ANKHD1: variants seen among roughly 807,000 people sequenced by gnomAD.
The protein encoded by ANKHD1 is ankyrin repeat and KH domain containing 1, also known as ankyrin repeat and KH domain-containing protein 1.
In ANKHD1, 31 loss-of-function variants were observed where a neutral mutation model predicts 230.5. That is an observed-to-expected ratio of 0.13 (90% CI 0.10 to 0.18). The LOEUF (loss-of-function observed/expected upper bound fraction) is 0.18, where lower values mean the gene tolerates loss of function less well. ANKHD1 is among the 10% of genes least tolerant of loss of function. The pLI, the probability that ANKHD1 is intolerant of heterozygous loss-of-function variation, is 1.00. For synonymous variants in ANKHD1, 1,074 were observed against 1,117.6 expected, an observed-to-expected ratio of 0.96 and a Z score of 0.78; for missense variants, 2,256 against 3,071.3, an observed-to-expected ratio of 0.73 and a Z score of 6.27.
chr5:140,454,276 C>G (rs1202743777), intron 7 of ANKHD1, among the ~76,000 whole-genome samples: 1 of 151,994 alleles, frequency 6.6e-6, no homozygotes, highest in South Asian at 2.1e-4. Flanking sequence ...ACTTTAACAC[C>G]CCACTGTCAA....
intron 16 of ANKHD1, 69 bp from the exon 17 acceptor site, chr5:140,505,053 A>G: frequency 6.2e-7 from 1 of 1,603,240 alleles, no homozygotes; most frequent in Non-Finnish European, 8.5e-7. Flanking sequence ...TGTGAAAAGA[A>G]ATATTATTTG....
At position 140,426,527 on chromosome 5, in the gene ANKHD1, TA is replaced by T. The variant is rs879360338; in HGVS notation, c.307-9576del. ...TTATTTATTTATTTATTTATTTATT[TA>T]TTTTTTTATTGATCATTCTTGGGTG... On this transcript the variant is annotated intron_variant, in intron 1 of 33. Transcript: ENST00000360839. Among the ~76,000 whole-genome samples, 392 of 152,058 alleles carry T rather than the reference TA, an allele frequency of 2.6e-3. 1 individual carries two copies. Among genetic ancestry groups the T allele is most frequent in the Middle Eastern group, 0.014 (4 of 294 alleles).
intron 6 of ANKHD1, among the ~76,000 whole-genome samples, chr5:140,448,380 T>A (rs1774452536): frequency 6.6e-6 from 1 of 152,160 alleles, no homozygotes; most frequent in Admixed American, 6.6e-5. Context: ...TCTGATTATT[T>A]CCTTAGGATA....
chr5:140,509,691 A>G lies in ANKHD1; in HGVS notation c.3820A>G (p.Arg1274Gly), dbSNP rs780532648. 5.3e-5 allele frequency: 85 copies of G among 1,613,014 alleles called. No homozygotes were observed. In the South Asian group the frequency reaches 9.1e-4, roughly 17 times the overall value. Residue 1274 changes from arginine (R) to glycine (G), a missense_variant, in exon 21 of 34, where the codon AGA becomes GGA. Arg to Gly is a moderately radical substitution (Grantham distance 125, BLOSUM62 -2). Around this residue, in one of 13 missense-constraint regions of ANKHD1, gnomAD observed 195 missense variants for 340.3 expected, o/e 0.57. Transcript: ENST00000360839. Reference protein sequence around the residue: ...AASGGYAEVGRVLLDKGADVN... With the variant: ...AASGGYAEVGGVLLDKGADVN... ...TTCTGGAGGGTATGCAGAGGTTGGA[A>G]GAGTTCTTCTTGATAAAGGAGCAGA...
intron 15 of ANKHD1, among the ~76,000 whole-genome samples, chr5:140,501,378 T>C (rs1405408873): frequency 1.3e-5 from 2 of 151,520 alleles, no homozygotes; most frequent in South Asian, 2.1e-4. Context: ...ACGCCAACCA[T>C]AGGTTTTTAT....
intron 1 of ANKHD1, among the ~76,000 whole-genome samples, chr5:140,414,188 C>G (rs59647792): frequency 2.0e-5 from 3 of 152,064 alleles, no homozygotes; most frequent in Admixed American, 6.6e-5. Flanking sequence ...GGCCTGCATT[C>G]AATTATTTTA....
Position 140,402,126 on chromosome 5 carries a change from G to A in ANKHD1, c.159G>A (p.Ala53=), listed in dbSNP as rs1386326511. The A allele has an allele frequency of 6.5e-7, 1 of 1,543,094 alleles. No individual in the cohort carries two copies. Among genetic ancestry groups the A allele is most frequent in the Non-Finnish European group, 8.7e-7 (1 of 1,148,950 alleles). The part of the protein sequence containing the change: ...TVRLFGEAGP[A]SGVGSSGGGG... ...GGCTCTTTGGGGAGGCCGGGCCAGC[G>A]TCGGGAGTCGGCAGCAGCGGCGGCG... Residue 53 remains alanine (A), a synonymous_variant, in exon 1 of 34, where the codon GCG becomes GCA. Coordinates refer to ENST00000360839, the MANE Select transcript of ANKHD1 (RefSeq NM_017747.3).
At chr5:140,484,837 A>C (rs1038576231) in intron 11 of ANKHD1, 1 of 209,032 alleles carries the variant, frequency 4.8e-6, no homozygotes, top group African/African-American at 2.3e-5. Flanking sequence ...AACTAAAACC[A>C]GTTTGGAAGT....
At chr5:140,496,131 T>C (rs1400508924) in intron 14 of ANKHD1, among the ~76,000 whole-genome samples, 7 of 152,210 alleles carry the variant, frequency 4.6e-5, no homozygotes, top group Non-Finnish European at 8.8e-5. Flanking sequence ...TTTTCAACGC[T>C]ATTTTGATAC....
chr5:140,458,750 A>G lies in ANKHD1; in HGVS notation c.1368A>G (p.Leu456=). ...GAGGACATGTTGAATTGGCAGCTCT[A>G]CTTATTGAAAGGGGAGCAAATCTTG... The part of the protein sequence containing the change: ...ACGGHVELAA[L]LIERGANLEE... Residue 456 remains leucine, a synonymous_variant, in exon 8 of 34, where the codon CTA becomes CTG. Transcript: ENST00000360839. The G allele has an allele frequency of 1.9e-6, 3 of 1,613,266 alleles. No homozygotes were observed. The highest frequency in any genetic ancestry group is 1.7e-6 in the Non-Finnish European group (2 of 1,179,762).
chr5:140,418,007 T>C (rs1771547047), intron 1 of ANKHD1, among the ~76,000 whole-genome samples: 1 of 151,348 alleles, frequency 6.6e-6, no homozygotes, highest in African/African-American at 2.4e-5. Flanking sequence ...GCCCGGCTAG[T>C]TTTTTTGTAT....
At chr5:140,438,349 A>C in intron 2 of ANKHD1, 112 bp from the exon 3 acceptor site, 1 of 1,405,888 alleles carries the variant, frequency 7.1e-7, no homozygotes, top group Non-Finnish European at 9.4e-7. Context: ...TATGGATTCT[A>C]TACCATTTCT....
In ANKHD1 at chr5:140,507,978, A is replaced by C; in HGVS notation, c.3745A>C (p.Asn1249His). The C allele has an allele frequency of 1.2e-6, 2 of 1,613,928 alleles. No homozygotes were observed. The highest frequency in any genetic ancestry group is 1.7e-4 in the Middle Eastern group (1 of 6,052). ...VVSLLLDRKANVEHRAKTGLT... is the reference protein window; with the variant it reads ...VVSLLLDRKAHVEHRAKTGLT... ...GAGTTTGCTTCTGGACCGAAAAGCC[A>C]ATGTTGAACATAGGGCAAAGGTAAG... The change falls in exon 20 of 34, where the codon AAT becomes CAT. Residue 1249 changes from asparagine to histidine, a missense_variant. Around this residue, in one of 13 missense-constraint regions of ANKHD1, gnomAD observed 195 missense variants for 340.3 expected, o/e 0.57. Transcript: ENST00000360839. The surrounding 1 kb of genome is among the most constrained non-coding windows in gnomAD (Gnocchi z 4.1).
At chr5:140,484,072 T>C (rs184667237) in intron 11 of ANKHD1, among the ~76,000 whole-genome samples, 7 of 152,210 alleles carry the variant, frequency 4.6e-5, no homozygotes, top group Admixed American at 4.6e-4. Flanking sequence ...AATAATTTCA[T>C]GTTGCTAATC....
At chr5:140,467,374 ATATCT>A (rs1776166919) in intron 10 of ANKHD1, among the ~76,000 whole-genome samples, 1 of 152,114 alleles carries the variant, frequency 6.6e-6, no homozygotes, top group Non-Finnish European at 1.5e-5. Flanking sequence ...TTGTGGACTG[ATATCT>A]TAATTTTAAT....
intron 5 of ANKHD1, 89 bp from the exon 6 acceptor site, chr5:140,445,653 T>C: frequency 8.4e-7 from 1 of 1,184,924 alleles, no homozygotes; most frequent in African/African-American, 1.6e-5. Context: ...TCTGTCATGA[T>C]TGTATATTTC....
rs2127105620 is a variant in ANKHD1 at position 140,539,668 on chromosome 5, T to C, written c.*250T>C. 2.6e-6 allele frequency: 1 copy of C among 379,436 alleles called. No homozygotes were observed. 23.5% of individuals were successfully genotyped at this position (379,436 alleles called of 1,614,324 possible). A position where few individuals can be genotyped will look rare whatever the true frequency, so the allele number is the denominator to read the frequency against. ...CTAAACATACAGAATACTACTTGTATGCAGAAGAGAATTAGTTGATTACAT... is the reference window on the plus strand; with the variant it reads ...CTAAACATACAGAATACTACTTGTACGCAGAAGAGAATTAGTTGATTACAT... On this transcript the variant is annotated 3_prime_UTR_variant, in exon 34 of 34. Transcript: ENST00000360839.
chr5:140,487,094 A>AT (rs746157860), intron 14 of ANKHD1, 34 bp downstream of exon 14: 3 of 1,590,126 alleles, frequency 1.9e-6, no homozygotes, highest in Non-Finnish European at 2.6e-6. Context: ...TAAAATGGGT[A>AT]TTTTTTCACC....
At position 140,426,973 on chromosome 5, in the gene ANKHD1, C is replaced by T. The variant is rs540558111; in HGVS notation, c.307-9131C>T. 3.7e-3 allele frequency among the ~76,000 whole-genome samples: 559 copies of T among 152,348 alleles called. 7 individuals carry two copies. Among genetic ancestry groups the T allele is most frequent in the African/African-American group, 0.013 (545 of 41,586 alleles). Reference sequence around the variant, plus strand: ...CTCAATCTTTTCCCCACCTTTCCCCCCTTTCTATTCCACAAAACAGCCATT... The same window carrying T: ...CTCAATCTTTTCCCCACCTTTCCCCTCTTTCTATTCCACAAAACAGCCATT... On this transcript the variant is annotated intron_variant, in intron 1 of 33. Transcript: ENST00000360839.
Sources: gnomAD v4.1 joint callset for allele counts (sites outside exome capture counted in the v4.1 genomes callset) on GRCh38, gnomAD v4.1.1 for gene constraint, gnomAD v4.1.1 regional missense constraint, Gnocchi (gnomAD v3.1) non-coding constraint, MANE v1.5 for transcripts, NCBI Gene and HGNC (gene_info 2026-07-23, HGNC 2026-07-21) for gene names.